The following GRIN2B variants were observed in gnomAD, a reference collection of about 807,000 sequenced individuals.
GRIN2B encodes the protein glutamate receptor ionotropic, NMDA 2B.
In GRIN2B, 5 loss-of-function variants were observed where a neutral mutation model predicts 114.5. The observed-to-expected ratio is 0.04, with a 90% CI of 0.02 to 0.09. The LOEUF (loss-of-function observed/expected upper bound fraction) is 0.09. Ranked by LOEUF, GRIN2B falls within the 10% of genes least tolerant of loss-of-function variation. The pLI, the probability that GRIN2B is intolerant of heterozygous loss-of-function variation, is 1.00. For synonymous variants in GRIN2B, 787 were observed against 745.1 expected (o/e 1.06, Z -0.92); for missense variants, 1,108 against 1,943.5 (o/e 0.57, Z 8.08).
intron 4 of GRIN2B, among the ~76,000 whole-genome samples, chr12:13,725,574 G>T (rs925910545): frequency 2.0e-5 from 3 of 151,978 alleles, no homozygotes; most frequent in African/African-American, 7.2e-5. Flanking sequence ...CAAGAATGAG[G>T]GAAACCAAGC....
At chr12:13,725,753 GC>G (rs1862973913) in intron 4 of GRIN2B, among the ~76,000 whole-genome samples, 1 of 152,106 alleles carries the variant, frequency 6.6e-6, no homozygotes. Flanking sequence ...AGGGAAGAGG[GC>G]CCAGGGTTTT....
At chr12:13,656,033 C>T (rs1949859606) in intron 5 of GRIN2B, among the ~76,000 whole-genome samples, 1 of 152,126 alleles carries the variant, frequency 6.6e-6, no homozygotes, top group African/African-American at 2.4e-5. Flanking sequence ...TTTACCTTTC[C>T]CTCTCCGTTC....
chr12:13,793,544 T>G (rs948898036), intron 3 of GRIN2B, among the ~76,000 whole-genome samples: 1 of 152,232 alleles, frequency 6.6e-6, no homozygotes, highest in Non-Finnish European at 1.5e-5. Flanking sequence ...AATGAAGTCA[T>G]CAGCCCTAAT....
chr12:13,940,389 G>A (rs979978931), intron 2 of GRIN2B, among the ~76,000 whole-genome samples: 4 of 151,860 alleles, frequency 2.6e-5, no homozygotes, highest in African/African-American at 9.7e-5. Flanking sequence ...ATTCCCCAGC[G>A]GTTTTTATTT....
intron 3 of GRIN2B, among the ~76,000 whole-genome samples, chr12:13,773,582 G>T (rs531998004): frequency 2.6e-5 from 4 of 152,284 alleles, no homozygotes; most frequent in Admixed American, 1.3e-4. Flanking sequence ...TGACGAAACT[G>T]TTCTTCTTGG....
Position 13,541,134 on chromosome 12 carries a change from TCCC to T in GRIN2B, c.*21646_*21648del, listed in dbSNP as rs1948273859. The T allele has an allele frequency of 6.6e-6, 1 of 152,224 alleles. No individual in the cohort carries two copies. The highest frequency in any genetic ancestry group is 2.4e-5 in the African/African-American group (1 of 41,448). The allele number at this position is 152,224 out of a possible 1,614,324, so 9.4% of individuals were successfully genotyped here. A position where few individuals can be genotyped will look rare whatever the true frequency, so the allele number is the denominator to read the frequency against. ...CCTGTCACGTGGAGGAAAAGAGATT[TCCC>T]CTAGGGACAAGAGCTCACTGCCCCA... On this transcript the variant is annotated 3_prime_UTR_variant, in exon 14 of 14. Coordinates refer to ENST00000609686, the MANE Select transcript of GRIN2B (RefSeq NM_000834.5).
chr12:13,730,487 G>A (rs561611371), intron 4 of GRIN2B, among the ~76,000 whole-genome samples: 31 of 152,186 alleles, frequency 2.0e-4, no homozygotes, highest in African/African-American at 3.4e-4. Flanking sequence ...TGTTGCCTCC[G>A]TTTTTATAGA....
At chr12:13,789,978 G>A (rs1864291437) in intron 3 of GRIN2B, among the ~76,000 whole-genome samples, 1 of 152,182 alleles carries the variant, frequency 6.6e-6, no homozygotes, top group Non-Finnish European at 1.5e-5. Context: ...CTTGGCATGA[G>A]TTGAAAGCAT....
At chr12:13,622,504 G>A (rs1292106723) in intron 5 of GRIN2B, among the ~76,000 whole-genome samples, 1 of 152,038 alleles carries the variant, frequency 6.6e-6, no homozygotes, top group African/African-American at 2.4e-5. Flanking sequence ...TAATGTTTGA[G>A]TATATGATAA....
Position 13,562,369 on chromosome 12 carries a change from AG to A in GRIN2B, c.*413del, listed in dbSNP as rs575474488. 1 of 202,720 alleles carries A rather than the reference AG, an allele frequency of 4.9e-6. No individual in the cohort carries two copies. The highest frequency in any genetic ancestry group is 1.2e-4 in the East Asian group (1 of 8,058). The allele number at this position is 202,720 out of a possible 1,614,324, so 12.6% of individuals were successfully genotyped here. A position where few individuals can be genotyped will look rare whatever the true frequency, so the allele number is the denominator to read the frequency against. The stretch of plus-strand genomic sequence containing the variant: ...CTTTTGCTTCCTCACCTAAATGAAA[AG>A]ATCAGTTTGGGAAAAGCTACCTTTG... On this transcript the variant is annotated 3_prime_UTR_variant, in exon 14 of 14. Transcript: ENST00000609686.
chr12:13,727,636 A>G (rs989217133), intron 4 of GRIN2B, among the ~76,000 whole-genome samples: 1 of 152,158 alleles, frequency 6.6e-6, no homozygotes, highest in Non-Finnish European at 1.5e-5. Context: ...AGTCCTGTTA[A>G]AAGCACAATG....
intron 2 of GRIN2B, among the ~76,000 whole-genome samples, chr12:13,888,093 A>G (rs960317004): frequency 6.6e-6 from 1 of 152,176 alleles, no homozygotes; most frequent in African/African-American, 2.4e-5. Context: ...GGGAAAGAGA[A>G]TGAGTGGAAT....
At chr12:13,947,702 G>C (rs1360831544) in intron 2 of GRIN2B, among the ~76,000 whole-genome samples, 1 of 152,118 alleles carries the variant, frequency 6.6e-6, no homozygotes, top group South Asian at 2.1e-4. Context: ...AGTGGCTGTT[G>C]ATCTGATAGG....
At chr12:13,747,391 T>C (rs1345366078) in intron 4 of GRIN2B, among the ~76,000 whole-genome samples, 3 of 152,256 alleles carry the variant, frequency 2.0e-5, no homozygotes, top group African/African-American at 7.2e-5. Context: ...ATGATTGTTC[T>C]GTACACAGCT....
chr12:13,728,694 G>C (rs1863034076), intron 4 of GRIN2B, among the ~76,000 whole-genome samples: 1 of 152,270 alleles, frequency 6.6e-6, no homozygotes, highest in East Asian at 1.9e-4. Context: ...ATCACTGACT[G>C]TACACACAGC....
At chr12:13,978,546 C>G (rs1863071151) in intron 2 of GRIN2B, among the ~76,000 whole-genome samples, 2 of 152,156 alleles carry the variant, frequency 1.3e-5, no homozygotes, top group South Asian at 4.1e-4. Flanking sequence ...TCCCCACATC[C>G]CTTTGGTATT....
intron 11 of GRIN2B, among the ~76,000 whole-genome samples, chr12:13,571,507 T>C (rs1948708173): frequency 1.3e-5 from 2 of 152,194 alleles, no homozygotes; most frequent in Admixed American, 1.3e-4. Context: ...ACAAATACCT[T>C]ATCCTTCACT....
At chr12:13,599,340 C>A (rs1949122088) in intron 10 of GRIN2B, among the ~76,000 whole-genome samples, 1 of 152,188 alleles carries the variant, frequency 6.6e-6, no homozygotes, top group African/African-American at 2.4e-5. Flanking sequence ...CTTTTCCACT[C>A]TTGCCACCAT....
intron 3 of GRIN2B, among the ~76,000 whole-genome samples, chr12:13,864,131 C>T (rs969445138): frequency 6.6e-6 from 1 of 152,202 alleles, no homozygotes; most frequent in Admixed American, 6.6e-5. Flanking sequence ...TTTCTAACAT[C>T]TGTACCTGCA....
Sources: allele counts gnomAD v4.1 joint callset (sites outside exome capture counted in the v4.1 genomes callset), GRCh38; gene constraint gnomAD v4.1.1; transcripts MANE v1.5; gene names NCBI Gene and HGNC (gene_info 2026-07-23, HGNC 2026-07-21).